The following HS3ST1 variants were observed in gnomAD, a reference collection of about 807,000 sequenced individuals.
HS3ST1 encodes heparan sulfate-glucosamine 3-sulfotransferase 1.
In HS3ST1, 8 loss-of-function variants were observed where a neutral mutation model predicts 20.7. That is an observed-to-expected ratio of 0.39 (90% CI 0.23 to 0.70). HS3ST1 has a LOEUF of 0.70. Ranked by LOEUF, HS3ST1 falls within the 30% of genes least tolerant of loss-of-function variation. HS3ST1 has a pLI of 0.46. For missense variants in HS3ST1, 436 were observed against 423.4 expected, an observed-to-expected ratio of 1.03 and a Z score of -0.26; for synonymous variants, 205 against 190.4, an observed-to-expected ratio of 1.08 and a Z score of -0.63.
At chr4:11,421,528 A>C (rs535515076) in intron 1 of HS3ST1, among the ~76,000 whole-genome samples, 12 of 152,256 alleles carry the variant, frequency 7.9e-5, no homozygotes, top group Non-Finnish European at 1.6e-4. Flanking sequence ...AGCCGAAATC[A>C]CCTTTCTCTC....
At chr4:11,433,832 A>T (rs1176983035), upstream of HS3ST1, among the ~76,000 whole-genome samples, 1 of 152,252 alleles carries the variant, frequency 6.6e-6, no homozygotes, top group Non-Finnish European at 1.5e-5. Context: ...ACAGATGTGC[A>T]TTAACAGAAA....
chr4:11,410,669 A>G (rs1221407248), intron 1 of HS3ST1, among the ~76,000 whole-genome samples: 1 of 152,124 alleles, frequency 6.6e-6, no homozygotes, highest in Non-Finnish European at 1.5e-5. Flanking sequence ...CAAGGCGGGT[A>G]GAACATGAGG....
At position 11,426,230 on chromosome 4, in the gene HS3ST1, A is replaced by G. The variant is rs112591131; in HGVS notation, c.-109+2469T>C. Reference sequence around the variant, plus strand: ...GGATATGCCATTGTGGGTAGCTGCTATGTTCTCAGAAAGGCAGTGTGCATG... The same window carrying G: ...GGATATGCCATTGTGGGTAGCTGCTGTGTTCTCAGAAAGGCAGTGTGCATG... On this transcript the variant is annotated intron_variant, in intron 1 of 1. Transcript: ENST00000002596. Among the ~76,000 whole-genome samples, 6 of 152,178 alleles carry G rather than the reference A, an allele frequency of 3.9e-5. No homozygotes were observed. In the East Asian group the frequency reaches 5.8e-4, roughly 15 times the overall value.
At chr4:11,402,492 A>G (rs758946924) in intron 1 of HS3ST1, among the ~76,000 whole-genome samples, 4 of 152,098 alleles carry the variant, frequency 2.6e-5, no homozygotes, top group African/African-American at 9.7e-5. Flanking sequence ...AAATGTACCA[A>G]TTGTGCTTGG....
chr4:11,432,971 A>G (rs1719233818), upstream of HS3ST1, among the ~76,000 whole-genome samples: 1 of 152,184 alleles, frequency 6.6e-6, no homozygotes, highest in Non-Finnish European at 1.5e-5. Flanking sequence ...CAGGATTTTT[A>G]AGATTATCTA....
chr4:11,426,520 G>C (rs991568916), intron 1 of HS3ST1, among the ~76,000 whole-genome samples: 2 of 152,090 alleles, frequency 1.3e-5, no homozygotes, highest in Non-Finnish European at 2.9e-5. Flanking sequence ...TGCTTTTTCC[G>C]ATGCCATCTC....
intron 1 of HS3ST1, among the ~76,000 whole-genome samples, chr4:11,424,449 A>T (rs1227976171): frequency 1.3e-5 from 2 of 152,210 alleles, no homozygotes; most frequent in African/African-American, 4.8e-5. Context: ...AGGATGTTTC[A>T]TGCTGGAGAC....
intron 1 of HS3ST1, among the ~76,000 whole-genome samples, chr4:11,411,162 G>A (rs1351647212): frequency 6.6e-6 from 1 of 152,100 alleles, no homozygotes; most frequent in Non-Finnish European, 1.5e-5. Context: ...AGTATTGCCA[G>A]GCACCATGAA....
upstream of HS3ST1, among the ~76,000 whole-genome samples, chr4:11,430,056 T>TA (rs201041950): frequency 5.5e-4 from 84 of 151,828 alleles, 1 homozygote; most frequent in South Asian, 9.8e-3. Flanking sequence ...ATTGTTTAAT[T>TA]AAAAAAAAAT....
In HS3ST1 at chr4:11,413,760, G is replaced by A. The variant is rs560929727; in HGVS notation, c.-108-13647C>T. On this transcript the variant is annotated intron_variant, in intron 1 of 1. Transcript: ENST00000002596. ...TAAGGACAGGATGCTTGTGGGAAGA[G>A]CACAGAGGCTCATCGATAATGGACT... Among the ~76,000 whole-genome samples the A allele has an allele frequency of 2.8e-4, 43 of 152,196 alleles. 1 individual carries two copies. Among genetic ancestry groups the A allele is most frequent in the African/African-American group, 1.0e-3 (42 of 41,536 alleles).
chr4:11,413,611 C>G (rs1718692396), intron 1 of HS3ST1, among the ~76,000 whole-genome samples: 1 of 152,114 alleles, frequency 6.6e-6, no homozygotes, highest in South Asian at 2.1e-4. Context: ...CCCACCCTGT[C>G]TCTTCCCTCA....
intron 1 of HS3ST1, among the ~76,000 whole-genome samples, chr4:11,403,538 C>T (rs1204226128): frequency 6.6e-6 from 1 of 152,200 alleles, no homozygotes; most frequent in Non-Finnish European, 1.5e-5. Context: ...GGACTTTTGG[C>T]TCCAGAAGTC....
At chr4:11,400,397 A>G (rs959214953) in intron 1 of HS3ST1, among the ~76,000 whole-genome samples, 3 of 152,224 alleles carry the variant, frequency 2.0e-5, no homozygotes, top group Non-Finnish European at 4.4e-5. Flanking sequence ...GTTGTGTTCC[A>G]AGAACACTCT....
At chr4:11,424,772 A>G (rs1719020242) in intron 1 of HS3ST1, among the ~76,000 whole-genome samples, 1 of 152,048 alleles carries the variant, frequency 6.6e-6, no homozygotes, top group Non-Finnish European at 1.5e-5. Context: ...CTAGTCTTTC[A>G]AGATTCCAGG....
rs527743410 is a variant in HS3ST1, at chr4:11,400,036, C to T, written c.-31G>A. 1.4e-5 allele frequency: 20 copies of T among 1,464,614 alleles called. No individual in the cohort carries two copies. The East Asian group carries it at 1.7e-4, about 13-fold the overall frequency. The allele number at this position is 1,464,614 out of a possible 1,614,324, so 90.7% of individuals were successfully genotyped here. On this transcript the variant is annotated 5_prime_UTR_variant, in exon 2 of 2. Coordinates refer to ENST00000002596, the MANE Select transcript of HS3ST1 (RefSeq NM_005114.4). ...ACACCACGGTGGCTTCACTGGGCCGCGCGCCGCTGGGTCATGAAGTGCCGC... is the reference window on the plus strand; with the variant it reads ...ACACCACGGTGGCTTCACTGGGCCGTGCGCCGCTGGGTCATGAAGTGCCGC...
At chr4:11,420,455 A>G (rs925382985) in intron 1 of HS3ST1, among the ~76,000 whole-genome samples, 1 of 152,206 alleles carries the variant, frequency 6.6e-6, no homozygotes, top group Non-Finnish European at 1.5e-5. Flanking sequence ...TTCAGGTGTG[A>G]GTTTTCAAAG....
At chr4:11,401,860 C>T (rs1718335772) in intron 1 of HS3ST1, among the ~76,000 whole-genome samples, 1 of 152,202 alleles carries the variant, frequency 6.6e-6, no homozygotes, top group Non-Finnish European at 1.5e-5. Flanking sequence ...TGTGGGGTTC[C>T]ACAAGACAGA....
At chr4:11,413,688 A>C (rs1718694042) in intron 1 of HS3ST1, among the ~76,000 whole-genome samples, 1 of 152,090 alleles carries the variant, frequency 6.6e-6, no homozygotes, top group African/African-American at 2.4e-5. Flanking sequence ...GTACAAAACA[A>C]AACAAAAACA....
intron 1 of HS3ST1, among the ~76,000 whole-genome samples, chr4:11,418,355 G>T (rs1285149498): frequency 1.3e-5 from 2 of 152,150 alleles, no homozygotes; most frequent in Non-Finnish European, 2.9e-5. Flanking sequence ...CTACATACCA[G>T]GCTCTCTAAT....
Sources: gnomAD v4.1 joint callset for allele counts (sites outside exome capture counted in the v4.1 genomes callset) on GRCh38, gnomAD v4.1.1 for gene constraint, MANE v1.5 for transcripts, NCBI Gene and HGNC (gene_info 2026-07-23, HGNC 2026-07-21) for gene names.